RANBP17: variants seen among roughly 807,000 people sequenced by gnomAD.
RANBP17 encodes the protein RAN binding protein 17.
In RANBP17, 158 loss-of-function variants were observed where a neutral mutation model predicts 141.2. That is an observed-to-expected ratio of 1.12 (90% CI 0.98 to 1.28). RANBP17 has a LOEUF of 1.28. Ranked by LOEUF, RANBP17 falls within the 50% of genes most tolerant of loss-of-function variation. The pLI, the probability that RANBP17 is intolerant of heterozygous loss-of-function variation, is 0.00. For synonymous variants in RANBP17, 430 were observed against 450.0 expected, an observed-to-expected ratio of 0.96 and a Z score of 0.56; for missense variants, 1,438 against 1,290.7, an observed-to-expected ratio of 1.11 and a Z score of -1.75.
chr5:171,203,108 C>T (rs1762391134), intron 19 of RANBP17, among the ~76,000 whole-genome samples: 1 of 152,170 alleles, frequency 6.6e-6, no homozygotes, highest in Non-Finnish European at 1.5e-5. Flanking sequence ...ACATATCCCA[C>T]TCCCCAAAAC....
chr5:170,946,591 C>G (rs1030635394), intron 12 of RANBP17, among the ~76,000 whole-genome samples: 3 of 152,138 alleles, frequency 2.0e-5, no homozygotes, highest in Admixed American at 6.6e-5. Context: ...CTGTGGGCCT[C>G]TGACCACAAC....
chr5:170,996,459 G>A (rs903092894), intron 14 of RANBP17, among the ~76,000 whole-genome samples: 1 of 152,216 alleles, frequency 6.6e-6, no homozygotes, highest in Non-Finnish European at 1.5e-5. Context: ...TGTTTTATCC[G>A]TACTGTGTAA....
chr5:171,252,319 A>T (rs997789813), intron 24 of RANBP17: 3 of 1,543,012 alleles, frequency 1.9e-6, no homozygotes, highest in Non-Finnish European at 2.7e-6. Flanking sequence ...CCCAGACCCA[A>T]TGCGGGTTCA....
chr5:171,076,283 G>A (rs1208686022), intron 14 of RANBP17, among the ~76,000 whole-genome samples: 1 of 152,176 alleles, frequency 6.6e-6, no homozygotes, highest in Non-Finnish European at 1.5e-5. Flanking sequence ...TGTTGGTATA[G>A]CAAAACTGGG....
chr5:171,217,485 G>A (rs1156851526), intron 21 of RANBP17, among the ~76,000 whole-genome samples: 2 of 152,164 alleles, frequency 1.3e-5, no homozygotes, highest in Non-Finnish European at 2.9e-5. Context: ...AGAAGGAATG[G>A]TACCAGCTCC....
chr5:171,099,444 G>A (rs768246034), intron 14 of RANBP17, among the ~76,000 whole-genome samples: 3 of 152,074 alleles, frequency 2.0e-5, no homozygotes, highest in Non-Finnish European at 4.4e-5. Flanking sequence ...ATTTTCGCAC[G>A]TTGATTTTAT....
chr5:171,213,602 C>T (rs1173355416), intron 20 of RANBP17, 29 bp from the exon 21 acceptor site: 4 of 1,515,876 alleles, frequency 2.6e-6, no homozygotes, highest in South Asian at 1.1e-5. Context: ...TCTTTAGACC[C>T]TTAAATTCTT....
At chr5:171,156,760 A>G (rs1353090035) in intron 14 of RANBP17, among the ~76,000 whole-genome samples, 1 of 152,230 alleles carries the variant, frequency 6.6e-6, no homozygotes, top group Non-Finnish European at 1.5e-5. Context: ...CAAATGGCAC[A>G]CAAGGTGCAC....
intron 21 of RANBP17, among the ~76,000 whole-genome samples, chr5:171,220,330 G>A (rs1003215232): frequency 4.0e-5 from 6 of 151,452 alleles, no homozygotes; most frequent in South Asian, 2.1e-4. Context: ...GGTGCCTCCC[G>A]GTTAGGCTAC....
chr5:170,882,012 G>A, intron 3 of RANBP17, 116 bp downstream of exon 3: 2 of 611,174 alleles, frequency 3.3e-6, no homozygotes. Context: ...TTAAAAACAT[G>A]AGTATCAAGT....
intron 14 of RANBP17, among the ~76,000 whole-genome samples, chr5:171,138,244 T>C (rs1363372065): frequency 6.6e-6 from 1 of 152,120 alleles, no homozygotes; most frequent in African/African-American, 2.4e-5. Context: ...GCTTATGACT[T>C]TTCTTGAATC....
chr5:171,052,867 T>C (rs990495807), intron 14 of RANBP17, among the ~76,000 whole-genome samples: 1 of 151,090 alleles, frequency 6.6e-6, no homozygotes, highest in Non-Finnish European at 1.5e-5. Flanking sequence ...TCTTTCTTTT[T>C]TTGAGATGGA....
chr5:171,153,613 C>T (rs1432971621), intron 14 of RANBP17, among the ~76,000 whole-genome samples: 1 of 152,146 alleles, frequency 6.6e-6, no homozygotes, highest in African/African-American at 2.4e-5. Flanking sequence ...GACTGACACC[C>T]AGGGGGTGCT....
chr5:170,946,980 A>G (rs987106832), intron 12 of RANBP17, among the ~76,000 whole-genome samples: 2 of 152,214 alleles, frequency 1.3e-5, no homozygotes, highest in Admixed American at 1.3e-4. Context: ...GGACAACTAC[A>G]GATTTTCACT....
intron 26 of RANBP17, among the ~76,000 whole-genome samples, chr5:171,294,533 A>C (rs1390140945): frequency 1.3e-5 from 2 of 152,224 alleles, no homozygotes; most frequent in African/African-American, 4.8e-5. Flanking sequence ...ACAGCTTGGG[A>C]GAATGAATTG....
chr5:171,213,517 T>C, intron 20 of RANBP17, 114 bp from the exon 21 acceptor site: 1 of 738,704 alleles, frequency 1.4e-6, no homozygotes, highest in South Asian at 1.7e-5. Context: ...AACAAATTAG[T>C]ATAAATATAG....
intron 1 of RANBP17, 41 bp downstream of exon 1, chr5:170,862,092 T>C: frequency 2.1e-6 from 3 of 1,437,862 alleles, no homozygotes; most frequent in Non-Finnish European, 2.7e-6. Flanking sequence ...TCCGCCACGC[T>C]GGGAACCCGG....
chr5:171,230,704 G>A lies in RANBP17; in HGVS notation c.2422+8864G>A, dbSNP rs557113990. Among the ~76,000 whole-genome samples, 79 of 152,310 alleles carry A rather than the reference G, an allele frequency of 5.2e-4. No individual in the cohort carries two copies. The South Asian group carries it at 0.012, about 22-fold the overall frequency. On this transcript the variant is annotated intron_variant, in intron 22 of 27. Transcript: ENST00000523189. ...TTGAACCTGGGAGGCAGAGGTTGCA[G>A]TGAGCTGAGATCGCACCTTTGCATT...
intron 14 of RANBP17, among the ~76,000 whole-genome samples, chr5:171,008,810 G>A (rs1442482626): frequency 3.3e-5 from 5 of 152,102 alleles, no homozygotes; most frequent in Admixed American, 6.5e-5. Flanking sequence ...AGGTCACAGG[G>A]GATATGATGG....
Sources: allele counts gnomAD v4.1 joint callset (sites outside exome capture counted in the v4.1 genomes callset), GRCh38; gene constraint gnomAD v4.1.1; transcripts MANE v1.5; gene names NCBI Gene and HGNC (gene_info 2026-07-23, HGNC 2026-07-21).